The following STIMATE variants were observed in gnomAD, a reference collection of about 807,000 sequenced individuals.
STIMATE encodes the protein store-operated calcium entry regulator STIMATE.
STIMATE carries 15 observed loss-of-function variants against 36.7 expected under a neutral mutation model. That is an observed-to-expected ratio of 0.41 (90% confidence interval 0.27 to 0.63). The LOEUF is 0.63. Ranked by LOEUF, STIMATE falls within the 20% of genes least tolerant of loss-of-function variation. The pLI is 0.32. For synonymous variants in STIMATE, 163 were observed against 162.3 expected, an observed-to-expected ratio of 1.00 and a Z score of -0.03; for missense variants, 305 against 397.3, an observed-to-expected ratio of 0.77 and a Z score of 1.98.
chr3:52,846,835 A>G (rs1700915304), intron 4 of STIMATE, among the ~76,000 whole-genome samples: 1 of 152,152 alleles, frequency 6.6e-6, no homozygotes, highest in Non-Finnish European at 1.5e-5. Flanking sequence ...AGTCTTTCAG[A>G]TGTCCCCCAC....
intron 1 of STIMATE, among the ~76,000 whole-genome samples, 192 bp downstream of exon 1, chr3:52,897,099 C>T (rs1701876972): frequency 6.6e-6 from 1 of 152,170 alleles, no homozygotes; most frequent in Non-Finnish European, 1.5e-5. Context: ...AGGGTCACTC[C>T]TGTCTGGAGG....
In STIMATE at chr3:52,864,147, A is replaced by G. The variant is rs1189273531; in HGVS notation, c.161-8703T>C. On this transcript the variant is annotated intron_variant, in intron 1 of 7. Coordinates refer to ENST00000355083, the MANE Select transcript of STIMATE (RefSeq NM_198563.5). ...GGCTCCGACCTCACATCTCCCTTCC[A>G]CATTGCCCTAGCAGAGATTCTCCAT... Among the ~76,000 whole-genome samples, 3 of 152,140 alleles carry G rather than the reference A, an allele frequency of 2.0e-5. No homozygotes were observed. The South Asian group carries it at 6.2e-4, about 32-fold the overall frequency.
Position 52,859,531 on chromosome 3 carries a change from A to AAAAAAAAATT in STIMATE, c.161-4088_161-4087insAATTTTTTTT, listed in dbSNP as rs748928249. Among the ~76,000 whole-genome samples, 54 of 18,826 alleles carry AAAAAAAAATT rather than the reference A, an allele frequency of 2.9e-3. 1 individual carries two copies. Among genetic ancestry groups the AAAAAAAAATT allele is most frequent in the African/African-American group, 4.1e-3 (32 of 7,858 alleles). The allele number at this position is 18,826 out of a possible 152,430, so 12.4% of individuals were successfully genotyped here. A position where few individuals can be genotyped will look rare whatever the true frequency, so the allele number is the denominator to read the frequency against. On this transcript the variant is annotated intron_variant, in intron 1 of 7. Coordinates refer to ENST00000355083, the MANE Select transcript of STIMATE (RefSeq NM_198563.5). ...AAAAAAAAAAAAAAAAAAAAAAAAA[A>AAAAAAAAATT]TTTTTTTTTTTTTTTTTTTTTTGCT...
intron 1 of STIMATE, among the ~76,000 whole-genome samples, chr3:52,867,502 G>C (rs148729944): frequency 3.6e-4 from 55 of 152,290 alleles, no homozygotes; most frequent in African/African-American, 1.0e-3. Flanking sequence ...TTCATCCCTG[G>C]GGAAAAATAC....
chr3:52,892,780 G>A (rs967305657), intron 1 of STIMATE, among the ~76,000 whole-genome samples: 1 of 152,174 alleles, frequency 6.6e-6, no homozygotes, highest in Admixed American at 6.5e-5. Context: ...CCATCACCAA[G>A]TCATCAACCT....
intron 1 of STIMATE, among the ~76,000 whole-genome samples, chr3:52,877,669 C>T (rs1399676325): frequency 2.6e-5 from 4 of 152,216 alleles, no homozygotes; most frequent in Non-Finnish European, 4.4e-5. Context: ...GTGAACTGTC[C>T]TACCTCCCCA....
chr3:52,863,773 G>A (rs902211124), intron 1 of STIMATE, among the ~76,000 whole-genome samples: 7 of 152,212 alleles, frequency 4.6e-5, no homozygotes, highest in Non-Finnish European at 7.3e-5. Flanking sequence ...CACTCCAAAT[G>A]GGAGAAATTG....
At chr3:52,888,943 C>T (rs1165498047) in intron 1 of STIMATE, among the ~76,000 whole-genome samples, 1 of 152,188 alleles carries the variant, frequency 6.6e-6, no homozygotes, top group Admixed American at 6.5e-5. Context: ...CTCCCTCCTT[C>T]CTCGTGCCAC....
chr3:52,843,143 C>T (rs1700832209), intron 6 of STIMATE, 183 bp from the exon 7 acceptor site: 15 of 1,188,318 alleles, frequency 1.3e-5, no homozygotes, highest in South Asian at 4.9e-5. Context: ...TCCACATCCT[C>T]GGGTTCAGTT....
chr3:52,858,176 C>A (rs1034116488), intron 1 of STIMATE, among the ~76,000 whole-genome samples: 6 of 152,096 alleles, frequency 3.9e-5, no homozygotes, highest in African/African-American at 1.2e-4. Context: ...GTTATGGCAG[C>A]CTGAGCAAAC....
intron 1 of STIMATE, among the ~76,000 whole-genome samples, chr3:52,890,678 T>C (rs1189364002): frequency 6.6e-6 from 1 of 152,356 alleles, no homozygotes; most frequent in East Asian, 1.9e-4. Context: ...ACTGCTTCTA[T>C]GCATACACAA....
intron 1 of STIMATE, among the ~76,000 whole-genome samples, chr3:52,859,567 G>A (rs755350083): frequency 5.6e-4 from 60 of 107,958 alleles, no homozygotes; most frequent in Non-Finnish European, 9.2e-4. Context: ...GGGCATGATG[G>A]TATGTACCCG....
At chr3:52,862,025 CCTGGCCT>C (rs544011710) in intron 1 of STIMATE, among the ~76,000 whole-genome samples, 13 of 152,282 alleles carry the variant, frequency 8.5e-5, no homozygotes, top group Middle Eastern at 3.4e-3. Context: ...TCCCTCCAGC[CCTGGCCT>C]CCCAGTGATG....
intron 1 of STIMATE, among the ~76,000 whole-genome samples, chr3:52,896,922 G>A (rs926347371): frequency 6.6e-6 from 1 of 152,196 alleles, no homozygotes; most frequent in South Asian, 2.1e-4. Context: ...AGGGATGTGG[G>A]TTCTAAGCAC....
At chr3:52,882,762 A>G (rs1016970915) in intron 1 of STIMATE, among the ~76,000 whole-genome samples, 2 of 152,180 alleles carry the variant, frequency 1.3e-5, no homozygotes, top group Non-Finnish European at 2.9e-5. Flanking sequence ...CGGTGCAATG[A>G]GGAGTCTGCT....
intron 4 of STIMATE, chr3:52,847,389 A>C: frequency 7.9e-7 from 1 of 1,267,930 alleles, no homozygotes; most frequent in South Asian, 1.3e-5. Flanking sequence ...AAGACCCATG[A>C]AGCACCGTGA....
At chr3:52,887,781 T>G (rs1701713578) in intron 1 of STIMATE, among the ~76,000 whole-genome samples, 1 of 152,106 alleles carries the variant, frequency 6.6e-6, no homozygotes, top group Non-Finnish European at 1.5e-5. Flanking sequence ...GCATCCAGGA[T>G]AAGGTCCTGT....
At chr3:52,855,030 T>C (rs1448072374) in intron 2 of STIMATE, among the ~76,000 whole-genome samples, 1 of 152,194 alleles carries the variant, frequency 6.6e-6, no homozygotes, top group Non-Finnish European at 1.5e-5. Flanking sequence ...AAATTTAGGC[T>C]AGTTTTTGCT....
intron 1 of STIMATE, among the ~76,000 whole-genome samples, chr3:52,892,104 C>A (rs1239498197): frequency 1.3e-5 from 2 of 152,174 alleles, no homozygotes; most frequent in African/African-American, 2.4e-5. Context: ...ACCCCTTCAA[C>A]AAATCTTCAT....
Sources: gnomAD v4.1 joint callset for allele counts (sites outside exome capture counted in the v4.1 genomes callset) on GRCh38, gnomAD v4.1.1 for gene constraint, MANE v1.5 for transcripts, NCBI Gene and HGNC (gene_info 2026-07-23, HGNC 2026-07-21) for gene names.